Variants in PDE10A observed in about 807,000 individuals in gnomAD.
PDE10A encodes phosphodiesterase 10A.
Under a neutral mutation model 97.7 loss-of-function variants are expected in PDE10A, and 39 were observed. The observed-to-expected ratio is 0.40, with a 90% CI of 0.31 to 0.52. The LOEUF is 0.52. Among genes scored for constraint, PDE10A ranks in the 20% least tolerant of loss-of-function variants. PDE10A has a pLI of 0.56. For missense variants in PDE10A, 731 were observed against 1,047.8 expected (o/e 0.70, Z 4.17); for synonymous variants, 371 against 376.8 (o/e 0.98, Z 0.18).
intron 1 of PDE10A, among the ~76,000 whole-genome samples, chr6:165,764,874 T>G (rs577855138): frequency 1.3e-5 from 2 of 152,206 alleles, no homozygotes; most frequent in African/African-American, 4.8e-5. Context: ...TTCTCTTATC[T>G]GGCCCCACCC....
chr6:165,911,799 C>G (rs1177559190), intron 1 of PDE10A, among the ~76,000 whole-genome samples: 3 of 152,136 alleles, frequency 2.0e-5, no homozygotes, highest in Non-Finnish European at 4.4e-5. Flanking sequence ...AAACATGCAC[C>G]AGAGGAGCAC....
chr6:165,653,650 G>A (rs769153992), intron 1 of PDE10A, among the ~76,000 whole-genome samples: 9 of 152,198 alleles, frequency 5.9e-5, no homozygotes, highest in Middle Eastern at 3.4e-3. Flanking sequence ...TCTCCAGAAC[G>A]CCCCTCATCA....
Position 165,580,110 on chromosome 6 carries a change from G to A in PDE10A, c.866-36542C>T, listed in dbSNP as rs79576102. 8.8e-3 allele frequency among the ~76,000 whole-genome samples: 1,344 copies of A among 152,218 alleles called. 25 individuals carry two copies. The highest frequency in any genetic ancestry group is 0.08 in the South Asian group (385 of 4,824). On this transcript the variant is annotated intron_variant, in intron 1 of 21. Transcript: ENST00000539869. Reference sequence around the variant, plus strand: ...GAATTCACAAGGACAGGGCTCTTCCGTTTTGTTCACTGATATATCACAAGC... The same window carrying A: ...GAATTCACAAGGACAGGGCTCTTCCATTTTGTTCACTGATATATCACAAGC...
At chr6:165,946,676 G>C (rs973737228) in intron 1 of PDE10A, 15 of 151,888 alleles carry the variant, frequency 9.9e-5, no homozygotes, top group African/African-American at 2.9e-4. Flanking sequence ...ACATCATGTT[G>C]CACATAATAA....
At chr6:165,544,151 A>G (rs1247830637) in intron 1 of PDE10A, among the ~76,000 whole-genome samples, 1 of 152,122 alleles carries the variant, frequency 6.6e-6, no homozygotes, top group African/African-American at 2.4e-5. Flanking sequence ...AGGTGCTACA[A>G]ATTGTTTAAT....
chr6:165,477,535 G>A (rs148069022), intron 3 of PDE10A, among the ~76,000 whole-genome samples: 2 of 152,286 alleles, frequency 1.3e-5, no homozygotes, highest in East Asian at 3.9e-4. Flanking sequence ...TTGACTGAAT[G>A]ACAATGACTG....
At chr6:165,576,261 G>C in intron 1 of PDE10A, 2 of 637,118 alleles carry the variant, frequency 3.1e-6, no homozygotes, top group Non-Finnish European at 5.7e-6. Context: ...GCACCAAAAA[G>C]AGTCAAGGTG....
chr6:165,546,595 T>A (rs1031224860), intron 1 of PDE10A, among the ~76,000 whole-genome samples: 22 of 152,086 alleles, frequency 1.4e-4, no homozygotes, highest in African/African-American at 4.8e-4. Context: ...TCTGTGAGAC[T>A]AGACACAAAA....
intron 1 of PDE10A, among the ~76,000 whole-genome samples, chr6:165,568,189 C>T (rs188932441): frequency 3.3e-5 from 5 of 151,942 alleles, no homozygotes; most frequent in Admixed American, 6.6e-5. Flanking sequence ...TTAGTAGAGA[C>T]GGGGTTTCAC....
At chr6:165,651,519 T>G (rs774709703) in intron 1 of PDE10A, among the ~76,000 whole-genome samples, 1 of 152,146 alleles carries the variant, frequency 6.6e-6, no homozygotes, top group Non-Finnish European at 1.5e-5. Flanking sequence ...CTATGGGACA[T>G]GGAGAAAGAT....
At chr6:165,422,057 C>G (rs1331462514) in intron 10 of PDE10A, among the ~76,000 whole-genome samples, 1 of 152,140 alleles carries the variant, frequency 6.6e-6, no homozygotes, top group East Asian at 1.9e-4. Context: ...GTGCCAGACC[C>G]TGTCTAAAGA....
At chr6:165,840,671 C>A (rs1322529511) in intron 1 of PDE10A, among the ~76,000 whole-genome samples, 1 of 152,200 alleles carries the variant, frequency 6.6e-6, no homozygotes, top group African/African-American at 2.4e-5. Flanking sequence ...TAGGACACAG[C>A]ACTCGAAATG....
At chr6:165,724,158 C>T (rs1261465535) in intron 1 of PDE10A, among the ~76,000 whole-genome samples, 1 of 152,230 alleles carries the variant, frequency 6.6e-6, no homozygotes, top group African/African-American at 2.4e-5. Flanking sequence ...TGCTTGACGT[C>T]TTTGCCCTTT....
chr6:165,387,237 C>T (rs2128212136), intron 17 of PDE10A, among the ~76,000 whole-genome samples: 1 of 152,282 alleles, frequency 6.6e-6, no homozygotes, highest in Non-Finnish European at 1.5e-5. Flanking sequence ...AAACACTTTT[C>T]ACTTCTACCC....
chr6:165,635,296 A>C (rs1238726247), intron 1 of PDE10A, among the ~76,000 whole-genome samples: 1 of 152,258 alleles, frequency 6.6e-6, no homozygotes, highest in Non-Finnish European at 1.5e-5. Context: ...GATTGATAAA[A>C]GGCATCAGAA....
intron 1 of PDE10A, among the ~76,000 whole-genome samples, chr6:165,928,007 T>C (rs1057239531): frequency 8.0e-5 from 12 of 150,874 alleles, no homozygotes; most frequent in Non-Finnish European, 1.5e-4. Flanking sequence ...GAGAATGACA[T>C]AAATTTTTAA....
At chr6:165,649,099 G>T (rs1789551448) in intron 1 of PDE10A, among the ~76,000 whole-genome samples, 1 of 152,220 alleles carries the variant, frequency 6.6e-6, no homozygotes, top group Non-Finnish European at 1.5e-5. Flanking sequence ...AGAGACTTGG[G>T]TGTGCTCCAC....
At chr6:165,974,217 T>C (rs184251422) in intron 1 of PDE10A, among the ~76,000 whole-genome samples, 6 of 152,306 alleles carry the variant, frequency 3.9e-5, no homozygotes, top group Admixed American at 3.9e-4. Flanking sequence ...CAAATGTATG[T>C]CTCTATTCCA....
At chr6:165,336,249 T>G (rs1781640149) in intron 20 of PDE10A, 38 bp from the exon 21 acceptor site, 5 of 1,342,870 alleles carry the variant, frequency 3.7e-6, no homozygotes. Context: ...GAAACAAAAG[T>G]GCACATTAGC....
Sources: gnomAD v4.1 joint callset for allele counts (sites outside exome capture counted in the v4.1 genomes callset) on GRCh38, gnomAD v4.1.1 for gene constraint, MANE v1.5 for transcripts, NCBI Gene and HGNC (gene_info 2026-07-23, HGNC 2026-07-21) for gene names.